The following MAP7 variants were observed in gnomAD, a reference collection of about 807,000 sequenced individuals.
The protein encoded by MAP7 is ensconsin.
Under a neutral mutation model 94.8 loss-of-function variants are expected in MAP7, and 52 were observed. The ratio of observed to expected loss-of-function variants is 0.55; its 90% CI spans 0.44 to 0.69. The LOEUF (loss-of-function observed/expected upper bound fraction) is 0.69, where lower values mean the gene tolerates loss of function less well. Ranked by LOEUF, MAP7 falls within the 30% of genes least tolerant of loss-of-function variation. The pLI, the probability that MAP7 is intolerant of heterozygous loss-of-function variation, is 0.00. For synonymous variants in MAP7, 350 were observed against 357.0 expected, an observed-to-expected ratio of 0.98 and a Z score of 0.22; for missense variants, 940 against 964.6, an observed-to-expected ratio of 0.97 and a Z score of 0.34.
intron 1 of MAP7, among the ~76,000 whole-genome samples, chr6:136,522,319 C>A (rs752813563): frequency 2.0e-5 from 3 of 151,830 alleles, no homozygotes; most frequent in Non-Finnish European, 4.4e-5. Flanking sequence ...ACACTCCTAC[C>A]GATTACATGG....
At chr6:136,546,022 T>G (rs1471371798) in intron 1 of MAP7, among the ~76,000 whole-genome samples, 2 of 152,228 alleles carry the variant, frequency 1.3e-5, no homozygotes, top group African/African-American at 4.8e-5. Context: ...TTCTAACTTT[T>G]TGTTTTTTGA....
intron 1 of MAP7, among the ~76,000 whole-genome samples, chr6:136,480,899 A>G (rs768570772): frequency 2.0e-5 from 3 of 152,188 alleles, no homozygotes; most frequent in Non-Finnish European, 2.9e-5. Context: ...ATGAATATGT[A>G]AGGAGCACAA....
intron 8 of MAP7, among the ~76,000 whole-genome samples, chr6:136,367,383 G>A (rs1794600500): frequency 6.6e-6 from 1 of 152,152 alleles, no homozygotes; most frequent in Admixed American, 6.5e-5. Flanking sequence ...CATGGGAAGG[G>A]GCAGAGTATT....
intron 1 of MAP7, among the ~76,000 whole-genome samples, chr6:136,429,788 A>G (rs867623201): frequency 2.6e-5 from 4 of 152,330 alleles, no homozygotes; most frequent in Middle Eastern, 6.8e-3. Flanking sequence ...AATAAGTAAA[A>G]CAAAAACCTT....
chr6:136,489,510 C>A (rs1815866658), intron 1 of MAP7, among the ~76,000 whole-genome samples: 2 of 146,336 alleles, frequency 1.4e-5, no homozygotes, highest in African/African-American at 5.1e-5. Context: ...TTACAATGCT[C>A]TGTAACATCA....
At chr6:136,454,066 G>T (rs1436259261) in intron 1 of MAP7, among the ~76,000 whole-genome samples, 1 of 151,858 alleles carries the variant, frequency 6.6e-6, no homozygotes, top group Non-Finnish European at 1.5e-5. Flanking sequence ...TTGGTACCTT[G>T]TCTACCGAGG....
At chr6:136,504,451 C>T (rs1454799546) in intron 1 of MAP7, among the ~76,000 whole-genome samples, 1 of 151,862 alleles carries the variant, frequency 6.6e-6, no homozygotes, top group African/African-American at 2.4e-5. Context: ...TGGGTTCTGG[C>T]AATTCTCTTG....
Position 136,524,142 on chromosome 6 carries a change from G to A in MAP7, c.67+26200C>T, listed in dbSNP as rs934898777. Among the ~76,000 whole-genome samples, 7 of 152,222 alleles carry A rather than the reference G, an allele frequency of 4.6e-5. No individual in the cohort carries two copies. In the South Asian group the frequency reaches 1.5e-3, roughly 32 times the overall value. On this transcript the variant is annotated intron_variant, in intron 1 of 17. Coordinates refer to ENST00000354570, the MANE Select transcript of MAP7 (RefSeq NM_003980.6). ...GCCTGTAATCCCAGCTACTCAGGAGGCTGAGGCAGGAGAATTGCTTGAACC... is the reference window on the plus strand; with the variant it reads ...GCCTGTAATCCCAGCTACTCAGGAGACTGAGGCAGGAGAATTGCTTGAACC...
At chr6:136,429,681 T>G (rs1562390938) in intron 1 of MAP7, among the ~76,000 whole-genome samples, 1 of 152,196 alleles carries the variant, frequency 6.6e-6, no homozygotes, top group Non-Finnish European at 1.5e-5. Context: ...AGCTCCTCGA[T>G]TCACATCACA....
intron 1 of MAP7, among the ~76,000 whole-genome samples, chr6:136,478,187 C>G (rs1319299500): frequency 6.6e-6 from 1 of 152,070 alleles, no homozygotes; most frequent in African/African-American, 2.4e-5. Context: ...ATCAAAAAAG[C>G]TGAAAAACTT....
chr6:136,522,769 C>T (rs530383885), intron 1 of MAP7, among the ~76,000 whole-genome samples: 8 of 152,320 alleles, frequency 5.3e-5, no homozygotes, highest in South Asian at 4.1e-4. Flanking sequence ...CAGTGGCTCA[C>T]GCCTGTAATC....
At chr6:136,348,103 A>T (rs1310027191) in intron 16 of MAP7, among the ~76,000 whole-genome samples, 3 of 150,650 alleles carry the variant, frequency 2.0e-5, no homozygotes, top group Non-Finnish European at 3.0e-5. Context: ...GTTCTTGCCT[A>T]ACACCAACAG....
chr6:136,423,101 A>C (rs1791908380), intron 1 of MAP7, among the ~76,000 whole-genome samples: 1 of 152,228 alleles, frequency 6.6e-6, no homozygotes, highest in African/African-American at 2.4e-5. Context: ...GGCACATAGA[A>C]GGTGTTTAAC....
chr6:136,528,819 A>C (rs557671595), intron 1 of MAP7, among the ~76,000 whole-genome samples: 88 of 152,302 alleles, frequency 5.8e-4, no homozygotes, highest in African/African-American at 2.1e-3. Context: ...AGCAAACAGC[A>C]CAAGATCAAA....
intron 3 of MAP7, among the ~76,000 whole-genome samples, chr6:136,404,777 T>C (rs1036281234): frequency 1.3e-5 from 2 of 152,228 alleles, no homozygotes; most frequent in Admixed American, 1.3e-4. Context: ...CTTGTTATTA[T>C]CTTGAAAAAG....
intron 1 of MAP7, among the ~76,000 whole-genome samples, chr6:136,497,525 T>TAA (rs537275225): frequency 0.072 from 10,134 of 140,304 alleles, 840 homozygotes; most frequent in African/African-American, 0.2. Context: ...TCATCTTACT[T>TAA]AAAAAAAAAA....
chr6:136,494,747 C>T (rs1032245658), intron 1 of MAP7, among the ~76,000 whole-genome samples: 1 of 152,044 alleles, frequency 6.6e-6, no homozygotes, highest in Non-Finnish European at 1.5e-5. Flanking sequence ...AAAACTAGTC[C>T]TCAAAAGATG....
intron 2 of MAP7, among the ~76,000 whole-genome samples, chr6:136,412,927 G>A (rs558020485): frequency 4.5e-4 from 69 of 152,276 alleles, no homozygotes; most frequent in Admixed American, 7.2e-4. Context: ...TTGGGAGGCC[G>A]AGGCGGGTGG....
intron 1 of MAP7, among the ~76,000 whole-genome samples, chr6:136,438,992 G>A (rs1407929153): frequency 6.6e-6 from 1 of 152,148 alleles, no homozygotes; most frequent in African/African-American, 2.4e-5. Flanking sequence ...GTTACAATGT[G>A]CAACTGTTTT....
Sources: allele counts gnomAD v4.1 joint callset (sites outside exome capture counted in the v4.1 genomes callset), GRCh38; gene constraint gnomAD v4.1.1; transcripts MANE v1.5; gene names NCBI Gene and HGNC (gene_info 2026-07-23, HGNC 2026-07-21).